YJEFN3: variants seen among roughly 807,000 people sequenced by gnomAD.
The protein encoded by YJEFN3 is yjeF N-terminal domain-containing protein 3.
In YJEFN3, 29 loss-of-function variants were observed where a neutral mutation model predicts 31.5. That is an observed-to-expected ratio of 0.92 (90% CI 0.69 to 1.26). The LOEUF (loss-of-function observed/expected upper bound fraction) is 1.26, where lower values mean the gene tolerates loss of function less well. YJEFN3 is among the 50% of genes most tolerant of loss of function. The pLI, the probability that YJEFN3 is intolerant of heterozygous loss-of-function variation, is 0.00. For missense variants in YJEFN3, 442 were observed against 425.4 expected (o/e 1.04, Z -0.34); for synonymous variants, 227 against 196.1 (o/e 1.16, Z -1.32).
chr19:19,537,413 C>T lies in YJEFN3; in HGVS notation c.789C>T (p.Phe263=). ...LAAPKRCAGR[F]SGRHHFVAGR... ...CGCCCAAGCGCTGCGCTGGCCGCTT[C>T]TCCGGGCGCCACCACTTCGTGGCCG... Residue 263 remains phenylalanine, a synonymous_variant, in exon 7 of 7, where the codon TTC becomes TTT. Transcript: ENST00000514277. 4.4e-6 allele frequency: 7 copies of T among 1,591,692 alleles called. No individual in the cohort carries two copies. The highest frequency in any genetic ancestry group is 6.0e-6 in the Non-Finnish European group (7 of 1,175,074).
chr19:19,530,355 G>A (rs556957698), intron 2 of YJEFN3, among the ~76,000 whole-genome samples: 1 of 152,078 alleles, frequency 6.6e-6, no homozygotes, highest in South Asian at 2.1e-4. Flanking sequence ...CCTTCACCAG[G>A]CTCCAATTCC....
At chr19:19,533,489 T>A in intron 3 of YJEFN3, 1 of 850,540 alleles carries the variant, frequency 1.2e-6, no homozygotes, top group Non-Finnish European at 1.4e-6. Flanking sequence ...CTCCTCCTCC[T>A]TTCTCTCTCC....
chr19:19,529,980 C>A (rs1450446935), intron 2 of YJEFN3, among the ~76,000 whole-genome samples: 8 of 152,184 alleles, frequency 5.3e-5, no homozygotes, highest in Admixed American at 3.3e-4. Context: ...CCCCCCCAGG[C>A]TCATGTTGAG....
Position 19,534,906 on chromosome 19 carries a change from C to T in YJEFN3, c.319-128C>T, listed in dbSNP as rs1025004721. The T allele has an allele frequency of 1.3e-5, 9 of 703,166 alleles. No individual in the cohort carries two copies. The African/African-American group carries it at 1.6e-4, about 13-fold the overall frequency. 43.6% of individuals were successfully genotyped at this position (703,166 alleles called of 1,614,324 possible). ...CAACCCCTCATCCAGAACAGCTCAC[C>T]TCCTGTCCTATCCTGTTGCCTCCAG... On this transcript the variant is annotated intron_variant, in intron 3 of 6. Coordinates refer to ENST00000514277, the MANE Select transcript of YJEFN3 (RefSeq NM_198537.4). This position sits in a 1 kb window ranked among gnomAD's most constrained non-coding sequence, Gnocchi z 4.6.
At chr19:19,529,741 T>G (rs2061135878) in intron 2 of YJEFN3, among the ~76,000 whole-genome samples, 3 of 149,808 alleles carry the variant, frequency 2.0e-5, no homozygotes, top group South Asian at 2.1e-4. Flanking sequence ...CACCTTGGGG[T>G]GAAGGGGTGA....
At chr19:19,530,615 G>C (rs1388265400) in intron 2 of YJEFN3, among the ~76,000 whole-genome samples, 1 of 152,114 alleles carries the variant, frequency 6.6e-6, no homozygotes, top group African/African-American at 2.4e-5. Flanking sequence ...CAAGATGGAG[G>C]TGGAGGAATG....
chr19:19,534,815 C>G lies in YJEFN3; in HGVS notation c.319-219C>G. ...GGCTGGATGCACGTTTTTCCTGCACCGACCTGGCAGAGCCTGAGACCGGGC... is the reference window on the plus strand; with the variant it reads ...GGCTGGATGCACGTTTTTCCTGCACGGACCTGGCAGAGCCTGAGACCGGGC... On this transcript the variant is annotated intron_variant, in intron 3 of 6. Coordinates refer to ENST00000514277, the MANE Select transcript of YJEFN3 (RefSeq NM_198537.4). The surrounding 1 kb of genome is among the most constrained non-coding windows in gnomAD (Gnocchi z 4.6). 1 of 406,382 alleles carries G rather than the reference C, an allele frequency of 2.5e-6. No homozygotes were observed. Among genetic ancestry groups the G allele is most frequent in the Non-Finnish European group, 4.3e-6 (1 of 230,148 alleles). The allele number at this position is 406,382 out of a possible 1,614,324, so 25.2% of individuals were successfully genotyped here.
At chr19:19,533,585 C>G (rs2061179333) in intron 3 of YJEFN3, 3 of 846,580 alleles carry the variant, frequency 3.5e-6, no homozygotes, top group Non-Finnish European at 4.3e-6. Context: ...CTTCCTCCTT[C>G]CCACTTACCC....
intron 6 of YJEFN3, chr19:19,535,990 G>A (rs527950874): frequency 7.3e-5 from 41 of 559,938 alleles, no homozygotes; most frequent in Non-Finnish European, 6.0e-5. Flanking sequence ...CCTGGCTGCC[G>A]CCCCATGCCT....
chr19:19,528,994 C>A lies in YJEFN3; in HGVS notation c.59+3C>A. The stretch of plus-strand genomic sequence containing the variant: ...CCCGAAGAGCGGCATTTCCTCAGGT[C>A]AGCTGGGGAGAGGGAAGCTGGAGAC... On this transcript the variant is annotated splice_donor_region_variant and intron_variant, in intron 1 of 6. Coordinates refer to ENST00000514277, the MANE Select transcript of YJEFN3 (RefSeq NM_198537.4). 6.4e-7 allele frequency: 1 copy of A among 1,550,746 alleles called. No homozygotes were observed. Among genetic ancestry groups the A allele is most frequent in the Non-Finnish European group, 8.7e-7 (1 of 1,146,800 alleles).
chr19:19,528,985 T>G lies in YJEFN3; in HGVS notation c.53T>G (p.Phe18Cys), dbSNP rs1340850266. 3 of 1,550,538 alleles carry G rather than the reference T, an allele frequency of 1.9e-6. No individual in the cohort carries two copies. Among genetic ancestry groups the G allele is most frequent in the Non-Finnish European group, 2.6e-6 (3 of 1,146,812 alleles). The stretch of plus-strand genomic sequence containing the variant: ...TCGGAGGCGCCCGAAGAGCGGCATT[T>G]CCTCAGGTCAGCTGGGGAGAGGGAA... ...DPSEAPEERH[F>C]LRALELQPPL... The change falls in exon 1 of 7, where the codon TTC (phenylalanine) becomes TGC (cysteine). Residue 18 changes from phenylalanine to cysteine, a missense_variant. Physicochemically the swap from Phe to Cys is radical, Grantham distance 205. Coordinates refer to ENST00000514277, the MANE Select transcript of YJEFN3 (RefSeq NM_198537.4).
chr19:19,537,381 C>G lies in YJEFN3; in HGVS notation c.757C>G (p.Leu253Val). The G allele has an allele frequency of 6.3e-7, 1 of 1,594,792 alleles. No individual in the cohort carries two copies. The highest frequency in any genetic ancestry group is 8.5e-7 in the Non-Finnish European group (1 of 1,176,804). Residue 253 changes from leucine (L) to valine (V), a missense_variant, in exon 7 of 7, where the codon CTC becomes GTC. By Grantham distance (32) the Leu-to-Val change is conservative (BLOSUM62 1). Coordinates refer to ENST00000514277, the MANE Select transcript of YJEFN3 (RefSeq NM_198537.4). ...GCTGCGGCCTGACGTGCTGGTGTCTCTCGCGGCGCCCAAGCGCTGCGCTGG... is the reference window on the plus strand; with the variant it reads ...GCTGCGGCCTGACGTGCTGGTGTCTGTCGCGGCGCCCAAGCGCTGCGCTGG... ...DGLRPDVLVS[L>V]AAPKRCAGRF...
intron 3 of YJEFN3, 66 bp downstream of exon 3, chr19:19,532,806 T>C: frequency 7.5e-7 from 1 of 1,340,202 alleles, no homozygotes; most frequent in Non-Finnish European, 1.0e-6. Flanking sequence ...GCTGCATGAC[T>C]GCTGTGACCA....
At position 19,529,379 on chromosome 19, in the gene YJEFN3, G is replaced by GC. The variant is rs757997437; in HGVS notation, c.80dup (p.Leu28ThrfsTer10). On this transcript the variant is annotated frameshift_variant, in exon 2 of 7. Transcript: ENST00000514277. LOFTEE classifies it high-confidence loss of function. ...TCTCTCCCAGGGCCTTGGAGCTGCA[G>GC]CCCCCACTTGCCGACATGGGAAGAG... is the stretch of plus-strand genomic sequence containing the variant. The GC allele has an allele frequency of 6.2e-7, 1 of 1,613,022 alleles. No homozygotes were observed. The highest frequency in any genetic ancestry group is 1.7e-5 in the Admixed American group (1 of 59,934).
Position 19,534,930 on chromosome 19 carries a change from A to G in YJEFN3, c.319-104A>G. 1 of 1,007,426 alleles carries G rather than the reference A, an allele frequency of 9.9e-7. No individual in the cohort carries two copies. The highest frequency in any genetic ancestry group is 1.6e-5 in the African/African-American group (1 of 62,102). The allele number at this position is 1,007,426 out of a possible 1,614,324, so 62.4% of individuals were successfully genotyped here. A position where few individuals can be genotyped will look rare whatever the true frequency, so the allele number is the denominator to read the frequency against. ...CCTCCTGTCCTATCCTGTTGCCTCC[A>G]GGCCCAAGCCCCATCCCTTCCCCTA... On this transcript the variant is annotated intron_variant, in intron 3 of 6. Coordinates refer to ENST00000514277, the MANE Select transcript of YJEFN3 (RefSeq NM_198537.4). This position sits in a 1 kb window ranked among gnomAD's most constrained non-coding sequence, Gnocchi z 4.6.
chr19:19,530,712 CG>C (rs2061147050), intron 2 of YJEFN3, among the ~76,000 whole-genome samples: 1 of 152,150 alleles, frequency 6.6e-6, no homozygotes, highest in South Asian at 2.1e-4. Context: ...TGGCCTGCCC[CG>C]GGGGGACTCT....
chr19:19,529,820 C>T (rs997608478), intron 2 of YJEFN3, among the ~76,000 whole-genome samples: 2 of 152,102 alleles, frequency 1.3e-5, no homozygotes, highest in Admixed American at 6.6e-5. Flanking sequence ...GGAGCTAGAA[C>T]GTAGTGGGGA....
At chr19:19,530,719 ACT>A (rs1427479637) in intron 2 of YJEFN3, among the ~76,000 whole-genome samples, 1 of 151,192 alleles carries the variant, frequency 6.6e-6, no homozygotes, top group East Asian at 1.9e-4. Flanking sequence ...CCCCGGGGGG[ACT>A]CTGTCTGACT....
At position 19,535,041 on chromosome 19, in the gene YJEFN3, C is replaced by T. The variant is rs769193645; in HGVS notation, c.326C>T (p.Pro109Leu). Residue 109 changes from proline (P) to leucine (L), a missense_variant, in exon 4 of 7, where the codon CCG (proline) becomes CTG (leucine). By Grantham distance (98) the Pro-to-Leu change is moderately conservative. Coordinates refer to ENST00000514277, the MANE Select transcript of YJEFN3 (RefSeq NM_198537.4). ...ASAVAVTKAF[P>L]LPALSRKQRT... ...TGTGTCCCCTACCACCAGGCGTTCC[C>T]GTTGCCCGCTCTCTCCCGGAAGCAG... is the stretch of plus-strand genomic sequence containing the variant. The T allele has an allele frequency of 3.3e-5, 53 of 1,598,616 alleles. No homozygotes were observed. Among genetic ancestry groups the T allele is most frequent in the South Asian group, 5.6e-5 (5 of 89,020 alleles).
Sources: allele counts gnomAD v4.1 joint callset (sites outside exome capture counted in the v4.1 genomes callset), GRCh38; gene constraint gnomAD v4.1.1; non-coding constraint Gnocchi (gnomAD v3.1); transcripts MANE v1.5; gene names NCBI Gene and HGNC (gene_info 2026-07-23, HGNC 2026-07-21).